Variants in KCNIP4 observed in about 807,000 individuals in gnomAD.
KCNIP4 encodes the protein potassium voltage-gated channel interacting protein 4.
In KCNIP4, 12 loss-of-function variants were observed where a neutral mutation model predicts 34.0. The ratio of observed to expected loss-of-function variants is 0.35; its 90% confidence interval spans 0.23 to 0.57. KCNIP4 has a LOEUF of 0.57. Among genes scored for constraint, KCNIP4 ranks in the 20% least tolerant of loss-of-function variants. KCNIP4 has a pLI of 0.83. For missense variants in KCNIP4, 238 were observed against 311.7 expected (o/e 0.76, Z 1.78); for synonymous variants, 124 against 102.2 (o/e 1.21, Z -1.29).
intron 1 of KCNIP4, among the ~76,000 whole-genome samples, chr4:21,913,761 C>G (rs1000567342): frequency 4.4e-4 from 67 of 151,916 alleles, no homozygotes; most frequent in African/African-American, 1.5e-3. Context: ...AAAAATATGG[C>G]AGGGTAAGAG....
chr4:20,918,790 C>T lies in KCNIP4; in HGVS notation c.62-36081G>A, dbSNP rs75960914. ...ATGCACTTTACATCAAAATCAGGGC[C>T]TGTATAACTGAGTCCAGACTCAATC... On this transcript the variant is annotated intron_variant, in intron 1 of 8. Coordinates refer to ENST00000382152, the MANE Select transcript of KCNIP4 (RefSeq NM_025221.6). 2.5e-3 allele frequency among the ~76,000 whole-genome samples: 375 copies of T among 152,264 alleles called. 6 individuals carry two copies. The highest frequency in any genetic ancestry group is 8.5e-3 in the African/African-American group (354 of 41,546).
chr4:21,671,919 C>A (rs1749531443), intron 1 of KCNIP4, among the ~76,000 whole-genome samples: 1 of 152,138 alleles, frequency 6.6e-6, no homozygotes, highest in Non-Finnish European at 1.5e-5. Flanking sequence ...CCCACTAGAA[C>A]CCAGTCCTGA....
chr4:21,632,265 G>C (rs1745817763), intron 1 of KCNIP4, among the ~76,000 whole-genome samples: 1 of 152,124 alleles, frequency 6.6e-6, no homozygotes, highest in South Asian at 2.1e-4. Context: ...CCAGGCTGGA[G>C]TGCAATGGTG....
chr4:20,857,188 A>C (rs543494367), intron 2 of KCNIP4, among the ~76,000 whole-genome samples: 2 of 152,214 alleles, frequency 1.3e-5, no homozygotes, highest in South Asian at 4.2e-4. Context: ...TAAAAACATA[A>C]CTGAAATCAT....
chr4:20,966,677 A>T (rs1734380978), intron 1 of KCNIP4, among the ~76,000 whole-genome samples: 1 of 152,200 alleles, frequency 6.6e-6, no homozygotes, highest in Non-Finnish European at 1.5e-5. Context: ...ATAACTTACA[A>T]AAGATAAATA....
At chr4:20,919,331 T>C (rs1043324784) in intron 1 of KCNIP4, among the ~76,000 whole-genome samples, 1 of 151,758 alleles carries the variant, frequency 6.6e-6, no homozygotes, top group Non-Finnish European at 1.5e-5. Flanking sequence ...GATGGATGAG[T>C]CCTTGCTCGG....
chr4:21,416,501 A>T (rs1724965727), intron 1 of KCNIP4, among the ~76,000 whole-genome samples: 2 of 152,206 alleles, frequency 1.3e-5, no homozygotes, highest in South Asian at 4.1e-4. Flanking sequence ...CAAGCCACTG[A>T]GAACAAAGGA....
At chr4:20,800,992 A>G (rs1015005223) in intron 3 of KCNIP4, among the ~76,000 whole-genome samples, 2 of 152,200 alleles carry the variant, frequency 1.3e-5, no homozygotes, top group Non-Finnish European at 2.9e-5. Flanking sequence ...TTATAGTAAA[A>G]CTGTCAAAAC....
intron 1 of KCNIP4, among the ~76,000 whole-genome samples, chr4:21,344,244 T>C (rs917185840): frequency 6.6e-6 from 1 of 152,136 alleles, no homozygotes; most frequent in African/African-American, 2.4e-5. Context: ...GGAATCCATC[T>C]AATGTGGACT....
chr4:21,643,282 T>C (rs1746748342), intron 1 of KCNIP4, among the ~76,000 whole-genome samples: 1 of 152,210 alleles, frequency 6.6e-6, no homozygotes, highest in Non-Finnish European at 1.5e-5. Flanking sequence ...GTAGTTAAGT[T>C]AGAGGACATT....
intron 1 of KCNIP4, among the ~76,000 whole-genome samples, chr4:21,896,812 A>C (rs1458757430): frequency 6.6e-6 from 1 of 151,984 alleles, no homozygotes; most frequent in Non-Finnish European, 1.5e-5. Context: ...CTAGCTACTC[A>C]GGAGGCTGAG....
At chr4:21,576,372 C>T (rs893785266) in intron 1 of KCNIP4, among the ~76,000 whole-genome samples, 8 of 152,080 alleles carry the variant, frequency 5.3e-5, no homozygotes, top group Non-Finnish European at 7.4e-5. Context: ...AAGGTCACGT[C>T]GGCACTAAGC....
intron 1 of KCNIP4, among the ~76,000 whole-genome samples, chr4:21,584,100 C>A (rs1484823514): frequency 6.6e-6 from 1 of 151,998 alleles, no homozygotes; most frequent in East Asian, 1.9e-4. Flanking sequence ...TGGTTAGCTA[C>A]AACCAAACCT....
intron 1 of KCNIP4, among the ~76,000 whole-genome samples, chr4:21,198,516 A>G (rs1048255239): frequency 6.6e-6 from 1 of 152,192 alleles, no homozygotes; most frequent in African/African-American, 2.4e-5. Flanking sequence ...TCCTCACAGC[A>G]CATTTATGAG....
At chr4:20,772,300 G>C (rs1439521717) in intron 3 of KCNIP4, among the ~76,000 whole-genome samples, 1 of 152,084 alleles carries the variant, frequency 6.6e-6, no homozygotes, top group African/African-American at 2.4e-5. Context: ...TTCGTTATTT[G>C]TTCAACACGT....
chr4:20,997,458 G>A (rs73245207), intron 1 of KCNIP4, among the ~76,000 whole-genome samples: 31,901 of 152,170 alleles, frequency 0.21, 3,731 homozygotes, highest in Middle Eastern at 0.36. Context: ...CATGTTGGAC[G>A]TATTCTTCAA....
intron 1 of KCNIP4, among the ~76,000 whole-genome samples, chr4:21,330,662 T>C (rs1715538918): frequency 6.6e-6 from 1 of 152,116 alleles, no homozygotes. Flanking sequence ...ATGAATGGTT[T>C]TCAACAAAAA....
chr4:21,772,087 G>A lies in KCNIP4; in HGVS notation c.61+176484C>T, dbSNP rs1423314326. ...TCATAAATAGCTCTTATTATTTTGA[G>A]ATATGTTCCATTGATACCTAATTTA... is the stretch of plus-strand genomic sequence containing the variant. On this transcript the variant is annotated intron_variant, in intron 1 of 8. Transcript: ENST00000382152. Among the ~76,000 whole-genome samples, 3 of 152,224 alleles carry A rather than the reference G, an allele frequency of 2.0e-5. No individual in the cohort carries two copies. In the East Asian group the frequency reaches 5.8e-4, roughly 29 times the overall value.
At chr4:20,735,686 G>A (rs894717514) in intron 5 of KCNIP4, among the ~76,000 whole-genome samples, 8 of 151,918 alleles carry the variant, frequency 5.3e-5, no homozygotes, top group South Asian at 2.1e-4. Flanking sequence ...ACAGGCACCC[G>A]CCACCATGCC....
Sources: gnomAD v4.1 joint callset for allele counts (sites outside exome capture counted in the v4.1 genomes callset) on GRCh38, gnomAD v4.1.1 for gene constraint, MANE v1.5 for transcripts, NCBI Gene and HGNC (gene_info 2026-07-23, HGNC 2026-07-21) for gene names.